RPH3A: variants seen among roughly 807,000 people sequenced by gnomAD.
RPH3A encodes rabphilin-3A.
Under a neutral mutation model 102.2 loss-of-function variants are expected in RPH3A, and 48 were observed. The observed-to-expected ratio is 0.47, with a 90% CI of 0.37 to 0.60. The LOEUF is 0.60. RPH3A is among the 20% of genes least tolerant of loss of function. The pLI is 0.00. For missense variants in RPH3A, 781 were observed against 910.1 expected, an observed-to-expected ratio of 0.86 and a Z score of 1.83; for synonymous variants, 310 against 324.3, an observed-to-expected ratio of 0.96 and a Z score of 0.47.
chr12:112,647,232 C>T (rs959861372), intron 1 of RPH3A, among the ~76,000 whole-genome samples: 16 of 152,226 alleles, frequency 1.1e-4, no homozygotes, highest in African/African-American at 3.4e-4. Flanking sequence ...ATTACAACCC[C>T]ACCTCAAGCC....
At chr12:112,627,100 C>A (rs922055183) in intron 1 of RPH3A, among the ~76,000 whole-genome samples, 3 of 132,228 alleles carry the variant, frequency 2.3e-5, no homozygotes, top group East Asian at 4.4e-4. Flanking sequence ...GGGAGATATA[C>A]CTAATGCTAG....
chr12:112,865,477 C>T lies in RPH3A; in HGVS notation c.294C>T (p.Cys98=). 1 of 1,614,054 alleles carries T rather than the reference C, an allele frequency of 6.2e-7. No individual in the cohort carries two copies. Among genetic ancestry groups the T allele is most frequent in the South Asian group, 1.1e-5 (1 of 91,070 alleles). Residue 98 remains cysteine (C), a synonymous_variant, in exon 6 of 22, where the codon TGC becomes TGT. Coordinates refer to ENST00000389385, the MANE Select transcript of RPH3A (RefSeq NM_001143854.2). ...TGGCTGGAGATGGGGTGAACCGCTG[C>T]ATACTGTGTGGAGAACAGCTGGGGA... ...KNVAGDGVNR[C]ILCGEQLGML...
intron 17 of RPH3A, 150 bp downstream of exon 17, chr12:112,888,073 C>A: frequency 1.2e-6 from 1 of 800,480 alleles, no homozygotes; most frequent in Non-Finnish European, 1.9e-6. Flanking sequence ...AAGATTCCAG[C>A]TCACAACCTC....
intron 1 of RPH3A, among the ~76,000 whole-genome samples, chr12:112,694,648 ACG>A (rs1217977528): frequency 0.033 from 3,693 of 111,480 alleles, 101 homozygotes; most frequent in African/African-American, 0.098. Context: ...GCGCGCGCAC[ACG>A]CACACACACA....
chr12:112,883,467 C>A (rs1825396326), intron 16 of RPH3A, 65 bp downstream of exon 16: 7 of 1,197,892 alleles, frequency 5.8e-6, no homozygotes, highest in Non-Finnish European at 8.6e-6. Context: ...GGAACTGAGA[C>A]TTGGGGTGAG....
chr12:112,671,284 C>G (rs1566251628), intron 1 of RPH3A, among the ~76,000 whole-genome samples: 1 of 152,174 alleles, frequency 6.6e-6, no homozygotes, highest in African/African-American at 2.4e-5. Flanking sequence ...GGAAAGCAGT[C>G]CAGGATTAGC....
intron 1 of RPH3A, among the ~76,000 whole-genome samples, chr12:112,690,357 G>A (rs2040297545): frequency 6.6e-6 from 1 of 152,218 alleles, no homozygotes; most frequent in South Asian, 2.1e-4. Flanking sequence ...TTTGTCCCAA[G>A]GTTTTCCATG....
chr12:112,703,594 A>G (rs2040408907), intron 1 of RPH3A, among the ~76,000 whole-genome samples: 1 of 152,238 alleles, frequency 6.6e-6, no homozygotes, highest in Non-Finnish European at 1.5e-5. Context: ...GCTTTTATTT[A>G]AGAATTGCTT....
At chr12:112,840,201 A>T (rs943009437) in intron 4 of RPH3A, among the ~76,000 whole-genome samples, 1 of 152,146 alleles carries the variant, frequency 6.6e-6, no homozygotes, top group Non-Finnish European at 1.5e-5. Context: ...TTTTTTTGAC[A>T]TAAAATAGTT....
intron 6 of RPH3A, among the ~76,000 whole-genome samples, chr12:112,866,007 CA>C (rs1229020222): frequency 1.3e-5 from 2 of 152,182 alleles, no homozygotes; most frequent in East Asian, 3.8e-4. Flanking sequence ...CATTTGTTCT[CA>C]AAGGCGAGTA....
chr12:112,822,671 A>G (rs149984583), intron 2 of RPH3A, among the ~76,000 whole-genome samples: 18 of 152,338 alleles, frequency 1.2e-4, no homozygotes, highest in African/African-American at 4.3e-4. Flanking sequence ...CCAGCTATCC[A>G]GTGCTTATTA....
chr12:112,688,998 T>C lies in RPH3A; in HGVS notation c.-139-103145T>C, dbSNP rs957789311. 1.1e-4 allele frequency among the ~76,000 whole-genome samples: 16 copies of C among 152,246 alleles called. 1 individual carries two copies. Among genetic ancestry groups the C allele is most frequent in the African/African-American group, 3.9e-4 (16 of 41,468 alleles). On this transcript the variant is annotated intron_variant, in intron 1 of 21. Coordinates refer to the RPH3A transcript ENST00000543106. ...CTAAAATTTAGATCTTTTAACACTG[T>C]GACTGACTTGCTATCATCAACTCCA...
chr12:112,738,190 A>G (rs951819346), intron 1 of RPH3A, among the ~76,000 whole-genome samples: 1 of 113,190 alleles, frequency 8.8e-6, no homozygotes, highest in Non-Finnish European at 1.8e-5. Flanking sequence ...TAGTTAGTTA[A>G]TTAATTAATT....
At chr12:112,834,969 G>A (rs933963463) in intron 3 of RPH3A, among the ~76,000 whole-genome samples, 5 of 152,126 alleles carry the variant, frequency 3.3e-5, no homozygotes, top group African/African-American at 1.2e-4. Context: ...TGTTTAGAAA[G>A]GGAGAGGGAT....
At chr12:112,751,359 T>C (rs1268768579) in intron 1 of RPH3A, among the ~76,000 whole-genome samples, 1 of 152,192 alleles carries the variant, frequency 6.6e-6, no homozygotes, top group Non-Finnish European at 1.5e-5. Context: ...CCGTCTTTTG[T>C]TCTTGGTTCT....
intron 2 of RPH3A, among the ~76,000 whole-genome samples, chr12:112,802,355 T>C (rs144340515): frequency 6.6e-6 from 1 of 152,324 alleles, no homozygotes; most frequent in East Asian, 1.9e-4. Context: ...TCTCTGAGCC[T>C]CAGTTTCTTC....
chr12:112,881,710 C>T lies in RPH3A; in HGVS notation c.1252-62C>T, dbSNP rs930260243. ...AGATGCCAGGGGCTATGCCCATTGCCGATGACAGCTGAGCACTGGGCCCTC... is the reference window on the plus strand; with the variant it reads ...AGATGCCAGGGGCTATGCCCATTGCTGATGACAGCTGAGCACTGGGCCCTC... On this transcript the variant is annotated intron_variant, in intron 14 of 21. Transcript: ENST00000389385. 40 of 1,239,834 alleles carry T rather than the reference C, an allele frequency of 3.2e-5. No individual in the cohort carries two copies. The Middle Eastern group carries it at 7.9e-4, about 24-fold the overall frequency. The allele number at this position is 1,239,834 out of a possible 1,614,324, so 76.8% of individuals were successfully genotyped here. A position where few individuals can be genotyped will look rare whatever the true frequency, so the allele number is the denominator to read the frequency against.
At chr12:112,828,201 C>A in intron 2 of RPH3A, 100 bp from the exon 3 acceptor site, 1 of 787,638 alleles carries the variant, frequency 1.3e-6, no homozygotes, top group Non-Finnish European at 2.1e-6. Flanking sequence ...AGTTCTCTGT[C>A]TTCTCTATCC....
intron 1 of RPH3A, among the ~76,000 whole-genome samples, chr12:112,713,687 T>G (rs1410735727): frequency 5.3e-5 from 8 of 152,328 alleles, no homozygotes; most frequent in Admixed American, 5.2e-4. Flanking sequence ...CAGCTGGCAG[T>G]GTCTGGCATA....
Sources: gnomAD v4.1 joint callset for allele counts (sites outside exome capture counted in the v4.1 genomes callset) on GRCh38, gnomAD v4.1.1 for gene constraint, MANE v1.5 for transcripts, NCBI Gene and HGNC (gene_info 2026-07-23, HGNC 2026-07-21) for gene names.